The following PTPRG variants were observed in gnomAD, a reference collection of about 807,000 sequenced individuals.
PTPRG encodes protein tyrosine phosphatase receptor type G, also known as receptor-type tyrosine-protein phosphatase gamma.
In PTPRG, 102 loss-of-function variants were observed where a neutral mutation model predicts 165.3. That is an observed-to-expected ratio of 0.62 (90% CI 0.53 to 0.73). The LOEUF is 0.73. Among genes scored for constraint, PTPRG ranks in the 30% least tolerant of loss-of-function variants. PTPRG has a pLI of 0.00. For missense variants in PTPRG, 1,866 were observed against 1,861.4 expected (o/e 1.00, Z -0.05); for synonymous variants, 675 against 669.5 (o/e 1.01, Z -0.13).
chr3:62,125,140 G>T (rs575667581), intron 5 of PTPRG, among the ~76,000 whole-genome samples: 1 of 152,058 alleles, frequency 6.6e-6, no homozygotes, highest in Non-Finnish European at 1.5e-5. Flanking sequence ...GGGTATTTAA[G>T]GTCATTTACG....
rs1002176129 is a variant in PTPRG, at chr3:61,772,123, T to G, written c.190+23141T>G. On this transcript the variant is annotated intron_variant, in intron 2 of 29. Coordinates refer to ENST00000474889, the MANE Select transcript of PTPRG (RefSeq NM_002841.4). Reference sequence around the variant, plus strand: ...TGTGATGATCTCTGAATCATCTTCATGTTCCTTCTTTGCCAATTCCCATCG... The same window carrying G: ...TGTGATGATCTCTGAATCATCTTCAGGTTCCTTCTTTGCCAATTCCCATCG... Among the ~76,000 whole-genome samples, 4 of 150,114 alleles carry G rather than the reference T, an allele frequency of 2.7e-5. No individual in the cohort carries two copies. In the East Asian group the frequency reaches 7.9e-4, roughly 30 times the overall value.
chr3:62,000,327 A>G (rs1290434455), intron 3 of PTPRG, among the ~76,000 whole-genome samples: 2 of 151,920 alleles, frequency 1.3e-5, no homozygotes, highest in African/African-American at 2.4e-5. Context: ...TAGACTCCAA[A>G]TGGTATCTTA....
At chr3:61,763,010 T>A (rs2033902741) in intron 2 of PTPRG, among the ~76,000 whole-genome samples, 1 of 152,116 alleles carries the variant, frequency 6.6e-6, no homozygotes, top group Admixed American at 6.5e-5. Context: ...TTCTTATGTC[T>A]CTGTTGAAGA....
intron 4 of PTPRG, among the ~76,000 whole-genome samples, chr3:62,054,363 G>A (rs552517469): frequency 6.6e-6 from 1 of 152,300 alleles, no homozygotes; most frequent in African/African-American, 2.4e-5. Context: ...TCTCCAGTTG[G>A]TCTTTAATGT....
chr3:61,839,577 G>A (rs1336322785), intron 2 of PTPRG, among the ~76,000 whole-genome samples: 1 of 152,040 alleles, frequency 6.6e-6, no homozygotes, highest in Non-Finnish European at 1.5e-5. Context: ...GAAAAGATAG[G>A]AATTTGCTTT....
intron 2 of PTPRG, among the ~76,000 whole-genome samples, chr3:61,833,466 C>G (rs2036367209): frequency 6.6e-6 from 1 of 152,146 alleles, no homozygotes; most frequent in South Asian, 2.1e-4. Flanking sequence ...AGAGTCCCTG[C>G]GAGGATGTAG....
intron 5 of PTPRG, among the ~76,000 whole-genome samples, chr3:62,084,343 G>C (rs927552165): frequency 6.6e-6 from 1 of 152,212 alleles, no homozygotes; most frequent in Non-Finnish European, 1.5e-5. Context: ...TACTGGGAGA[G>C]TTGAGCTGCC....
chr3:61,913,272 T>G (rs1216645937), intron 2 of PTPRG, among the ~76,000 whole-genome samples: 1 of 152,160 alleles, frequency 6.6e-6, no homozygotes, highest in East Asian at 1.9e-4. Flanking sequence ...CAGGCTGGAG[T>G]GCAGTGGCGC....
At chr3:62,279,604 T>A (rs978565909) in intron 26 of PTPRG, among the ~76,000 whole-genome samples, 2 of 152,100 alleles carry the variant, frequency 1.3e-5, no homozygotes, top group African/African-American at 4.8e-5. Flanking sequence ...GTCTTTAATA[T>A]CTGTGTCCTT....
chr3:61,887,170 A>ATATATATATATTTTTT (rs60282456), intron 2 of PTPRG, among the ~76,000 whole-genome samples: 2 of 115,532 alleles, frequency 1.7e-5, no homozygotes, highest in East Asian at 6.6e-4. Context: ...ATATATATAT[A>ATATATATATATTTTTT]TTTTTAATGC....
intron 2 of PTPRG, among the ~76,000 whole-genome samples, chr3:61,772,425 T>A (rs1682476891): frequency 6.6e-6 from 1 of 152,012 alleles, no homozygotes; most frequent in Non-Finnish European, 1.5e-5. Context: ...ATCATTAATA[T>A]TTTTATATTT....
At chr3:61,772,206 G>A (rs866546141) in intron 2 of PTPRG, among the ~76,000 whole-genome samples, 4 of 152,000 alleles carry the variant, frequency 2.6e-5, no homozygotes, top group African/African-American at 4.8e-5. Context: ...GAGGGAGGGC[G>A]TTAAGCAGGG....
intron 1 of PTPRG, among the ~76,000 whole-genome samples, chr3:61,640,670 C>G (rs558984881): frequency 6.6e-6 from 1 of 152,316 alleles, no homozygotes; most frequent in African/African-American, 2.4e-5. Flanking sequence ...AGTCTTCACC[C>G]TTTTCATGAT....
In PTPRG at chr3:61,781,890, G is replaced by GTTTTT. The variant is rs34682047; in HGVS notation, c.190+32922_190+32926dup. Among the ~76,000 whole-genome samples, 4 of 133,770 alleles carry GTTTTT rather than the reference G, an allele frequency of 3.0e-5. 1 individual carries two copies. Among genetic ancestry groups the GTTTTT allele is most frequent in the Non-Finnish European group, 6.3e-5 (4 of 63,962 alleles). 87.8% of individuals were successfully genotyped at this position (133,770 alleles called of 152,430 possible). ...CCCCAGGCATGCACCACCATGCCCAGTTTTTTTTTTTTTTTTTTATGGTAG... is the reference window on the plus strand; with the variant it reads ...CCCCAGGCATGCACCACCATGCCCAGTTTTTTTTTTTTTTTTTTTTTTTATGGTAG... On this transcript the variant is annotated intron_variant, in intron 2 of 29. Coordinates refer to ENST00000474889, the MANE Select transcript of PTPRG (RefSeq NM_002841.4).
At chr3:61,887,125 T>TATATATATATATATATATAC (rs2038063551) in intron 2 of PTPRG, among the ~76,000 whole-genome samples, 1 of 8,978 alleles carries the variant, frequency 1.1e-4, no homozygotes, top group Non-Finnish European at 2.1e-4. Flanking sequence ...ATAGCATGCA[T>TATATATATATATATATATAC]ATATATATAT....
At chr3:62,285,663 G>GCATTCTATTGTCAACTGTTCAAGATTA (rs1243784320) in intron 28 of PTPRG, among the ~76,000 whole-genome samples, 11 of 152,044 alleles carry the variant, frequency 7.2e-5, no homozygotes, top group Non-Finnish European at 1.3e-4. Context: ...TTCATTCTCA[G>GCATTCTATTGTCAACTGTTCAAGATTA]CATTCTATTG....
intron 2 of PTPRG, among the ~76,000 whole-genome samples, chr3:61,862,404 G>A (rs921998968): frequency 7.2e-6 from 1 of 139,504 alleles, no homozygotes; most frequent in African/African-American, 2.7e-5. Context: ...TTTTTGAGAT[G>A]GAATTCCGCT....
chr3:61,622,061 G>T (rs1245746636), intron 1 of PTPRG, among the ~76,000 whole-genome samples: 1 of 152,170 alleles, frequency 6.6e-6, no homozygotes, highest in Non-Finnish European at 1.5e-5. Flanking sequence ...AGATGGTACA[G>T]TATTTGCGGG....
intron 1 of PTPRG, among the ~76,000 whole-genome samples, chr3:61,571,041 T>A (rs1378928350): frequency 6.6e-6 from 1 of 152,180 alleles, no homozygotes; most frequent in Non-Finnish European, 1.5e-5. Context: ...TTACAGCATT[T>A]ACCTTGGGCA....
Sources: gnomAD v4.1 joint callset for allele counts (sites outside exome capture counted in the v4.1 genomes callset) on GRCh38, gnomAD v4.1.1 for gene constraint, MANE v1.5 for transcripts, NCBI Gene and HGNC (gene_info 2026-07-23, HGNC 2026-07-21) for gene names.